The following MAD1L1 variants were observed in gnomAD, a reference collection of about 807,000 sequenced individuals.
The protein encoded by MAD1L1 is mitotic spindle assembly checkpoint protein MAD1.
MAD1L1 carries 95 observed loss-of-function variants against 96.9 expected under a neutral mutation model. That is an observed-to-expected ratio of 0.98 (90% confidence interval 0.83 to 1.16). The LOEUF (loss-of-function observed/expected upper bound fraction) is 1.16. MAD1L1 is among the 50% of genes most tolerant of loss of function. The pLI is 0.00. For synonymous variants in MAD1L1, 473 were observed against 396.6 expected (o/e 1.19, Z -2.29); for missense variants, 1,007 against 954.4 (o/e 1.06, Z -0.73).
intron 15 of MAD1L1, among the ~76,000 whole-genome samples, chr7:1,979,548 C>T (rs1023488615): frequency 6.6e-6 from 1 of 152,234 alleles, no homozygotes; most frequent in African/African-American, 2.4e-5. Flanking sequence ...CCACCTGCAT[C>T]TGCCTGGAAA....
chr7:2,003,076 G>C (rs536034233), intron 13 of MAD1L1, among the ~76,000 whole-genome samples: 2 of 152,390 alleles, frequency 1.3e-5, no homozygotes, highest in Non-Finnish European at 2.9e-5. Context: ...CCGGGAAGGA[G>C]ATGGAGGGCC....
chr7:1,874,941 C>T (rs1014092775), intron 18 of MAD1L1, among the ~76,000 whole-genome samples: 2 of 152,140 alleles, frequency 1.3e-5, no homozygotes, highest in Non-Finnish European at 2.9e-5. Context: ...CAGTGAGTGG[C>T]CCCCACCCCG....
intron 18 of MAD1L1, among the ~76,000 whole-genome samples, chr7:1,854,190 G>A (rs893246857): frequency 2.0e-5 from 3 of 152,136 alleles, no homozygotes; most frequent in African/African-American, 7.2e-5. Flanking sequence ...CATTCTCTGA[G>A]CCCCAACACT....
chr7:2,050,235 C>T (rs1242013361), intron 12 of MAD1L1, among the ~76,000 whole-genome samples: 1 of 152,222 alleles, frequency 6.6e-6, no homozygotes, highest in African/African-American at 2.4e-5. Flanking sequence ...CCAGCATCTG[C>T]GGGCATCACC....
At chr7:2,219,305 C>G (rs1490980968) in intron 6 of MAD1L1, 27 bp downstream of exon 6, 1 of 1,542,490 alleles carries the variant, frequency 6.5e-7, no homozygotes, top group Non-Finnish European at 8.7e-7. Context: ...GACCCGACCC[C>G]CGACCCCACA....
intron 18 of MAD1L1, among the ~76,000 whole-genome samples, chr7:1,856,456 G>C (rs531073902): frequency 6.6e-6 from 1 of 152,328 alleles, no homozygotes; most frequent in Non-Finnish European, 1.5e-5. Flanking sequence ...GGGAACCAGC[G>C]CGCGGAGCAC....
At chr7:1,901,663 C>CTCT (rs1787250413) in intron 17 of MAD1L1, among the ~76,000 whole-genome samples, 1 of 152,244 alleles carries the variant, frequency 6.6e-6, no homozygotes, top group Non-Finnish European at 1.5e-5. Flanking sequence ...TGCAGCCCTG[C>CTCT]TCTCTGGGGT....
At chr7:1,886,984 G>A (rs567486122) in intron 18 of MAD1L1, among the ~76,000 whole-genome samples, 58 of 152,400 alleles carry the variant, frequency 3.8e-4, no homozygotes, top group African/African-American at 7.0e-4. Flanking sequence ...AGGGCTGTCA[G>A]TGACCGCATG....
chr7:2,219,032 G>A (rs1793443942), intron 6 of MAD1L1, among the ~76,000 whole-genome samples: 1 of 152,148 alleles, frequency 6.6e-6, no homozygotes, highest in Non-Finnish European at 1.5e-5. Flanking sequence ...TGCACTCCAG[G>A]CTGGACGACA....
chr7:2,182,835 C>T (rs1390051813), intron 10 of MAD1L1, among the ~76,000 whole-genome samples: 1 of 152,188 alleles, frequency 6.6e-6, no homozygotes, highest in African/African-American at 2.4e-5. Flanking sequence ...AACTGGGCTT[C>T]CTTTGGGGAC....
At chr7:2,209,523 A>G (rs1439543005) in intron 10 of MAD1L1, among the ~76,000 whole-genome samples, 1 of 152,200 alleles carries the variant, frequency 6.6e-6, no homozygotes, top group Non-Finnish European at 1.5e-5. Context: ...CAGTGGCCAC[A>G]AGCCCCTCAC....
chr7:1,841,699 G>C (rs929769681), intron 18 of MAD1L1, among the ~76,000 whole-genome samples: 4 of 152,248 alleles, frequency 2.6e-5, no homozygotes, highest in Non-Finnish European at 5.9e-5. Context: ...ACCAAGGAAG[G>C]TGGGCGCTGC....
At chr7:2,168,729 G>A (rs1219832771) in intron 10 of MAD1L1, among the ~76,000 whole-genome samples, 1 of 152,270 alleles carries the variant, frequency 6.6e-6, no homozygotes, top group African/African-American at 2.4e-5. Context: ...GGCGCCACGA[G>A]GTCAAGGTCC....
intron 11 of MAD1L1, among the ~76,000 whole-genome samples, chr7:2,123,676 G>T (rs1055221366): frequency 6.6e-6 from 1 of 152,210 alleles, no homozygotes; most frequent in Non-Finnish European, 1.5e-5. Context: ...ACCAGGAAGC[G>T]AGTCGGAGGC....
chr7:2,052,850 A>G (rs764760012), intron 12 of MAD1L1, among the ~76,000 whole-genome samples: 1 of 152,096 alleles, frequency 6.6e-6, no homozygotes, highest in Non-Finnish European at 1.5e-5. Flanking sequence ...AGCCTGGAGC[A>G]TGGGGGAGGG....
chr7:2,044,665 C>T (rs1262176429), intron 12 of MAD1L1, among the ~76,000 whole-genome samples: 1 of 152,170 alleles, frequency 6.6e-6, no homozygotes, highest in East Asian at 1.9e-4. Flanking sequence ...GCTCCAGCCT[C>T]GGTTTCTCTT....
At chr7:2,062,418 T>C (rs1784701798) in intron 12 of MAD1L1, among the ~76,000 whole-genome samples, 1 of 150,298 alleles carries the variant, frequency 6.7e-6, no homozygotes, top group Non-Finnish European at 1.5e-5. Context: ...TTACTAAAAA[T>C]ACAAAAATTA....
In MAD1L1 at chr7:1,871,888, CCCA is replaced by C. The variant is rs1236614924; in HGVS notation, c.1998+26309_1998+26311del. Among the ~76,000 whole-genome samples, 9 of 152,294 alleles carry C rather than the reference CCCA, an allele frequency of 5.9e-5. No homozygotes were observed. In the East Asian group the frequency reaches 1.5e-3, roughly 26 times the overall value. On this transcript the variant is annotated intron_variant, in intron 18 of 18. Transcript: ENST00000265854. ...CATGGAGGGGACAGGGTCTAGGGTCCCCACACTTGGGGGTGGAGGAGATGAGAA... is the reference window on the plus strand; with the variant it reads ...CATGGAGGGGACAGGGTCTAGGGTCCCACTTGGGGGTGGAGGAGATGAGAA...
At chr7:2,074,489 G>A (rs958178187) in intron 11 of MAD1L1, among the ~76,000 whole-genome samples, 1 of 152,228 alleles carries the variant, frequency 6.6e-6, no homozygotes, top group Non-Finnish European at 1.5e-5. Context: ...GGACCCTGGA[G>A]GGCCTGGACC....
Sources: gnomAD v4.1 joint callset for allele counts (sites outside exome capture counted in the v4.1 genomes callset) on GRCh38, gnomAD v4.1.1 for gene constraint, MANE v1.5 for transcripts, NCBI Gene and HGNC (gene_info 2026-07-23, HGNC 2026-07-21) for gene names.